Variants in SAMD5 observed in about 807,000 individuals in gnomAD.
SAMD5 encodes the protein sterile alpha motif domain containing 5, also known as sterile alpha motif domain-containing protein 5.
In SAMD5, 13 loss-of-function variants were observed where a neutral mutation model predicts 11.3. The observed-to-expected ratio is 1.15, with a 90% CI of 0.75 to 1.83. SAMD5 has a LOEUF of 1.83. SAMD5 is among the 40% of genes most tolerant of loss of function. SAMD5 has a pLI of 0.00. For missense variants in SAMD5, 255 were observed against 239.1 expected (o/e 1.07, Z -0.44); for synonymous variants, 129 against 111.3 (o/e 1.16, Z -1.00).
At chr6:147,793,214 C>T in the SAMD5 span, among the ~76,000 whole-genome samples, 1 of 152,142 alleles carries the variant, frequency 6.6e-6, no homozygotes, top group South Asian at 2.1e-4. Flanking sequence ...ATGAGCTTTA[C>T]TTCTATGGCG....
Position 147,569,961 on chromosome 6 carries a change from T to G in SAMD5, c.*5505T>G, listed in dbSNP as rs577138585. On this transcript the variant is annotated 3_prime_UTR_variant, in exon 2 of 2. Transcript: ENST00000367474. The stretch of plus-strand genomic sequence containing the variant: ...TTATGAACCATGTAATGCATGCCCA[T>G]GCACACTGTGATTTGCAAACATATG... 7.1e-6 allele frequency: 7 copies of G among 985,300 alleles called. No homozygotes were observed. In the African/African-American group the frequency reaches 1.2e-4, roughly 17 times the overall value. The allele number at this position is 985,300 out of a possible 1,614,324, so 61.0% of individuals were successfully genotyped here. A position where few individuals can be genotyped will look rare whatever the true frequency, so the allele number is the denominator to read the frequency against.
intron 1 of SAMD5, among the ~76,000 whole-genome samples, chr6:147,583,724 A>G (rs184161316): frequency 1.3e-5 from 2 of 152,280 alleles, no homozygotes; most frequent in East Asian, 1.9e-4. Context: ...TCTGCCCCAT[A>G]GAACGGTAAA....
intron 1 of SAMD5, among the ~76,000 whole-genome samples, chr6:147,692,707 A>G (rs937745256): frequency 1.6e-4 from 25 of 152,208 alleles, no homozygotes; most frequent in African/African-American, 5.5e-4. Context: ...CTACAATGCA[A>G]TCAGTCAATT....
intron 1 of SAMD5, among the ~76,000 whole-genome samples, chr6:147,674,961 CT>C (rs1480087056): frequency 2.6e-5 from 4 of 152,206 alleles, no homozygotes; most frequent in African/African-American, 9.7e-5. Context: ...AACACTAACC[CT>C]TGCCCATGGC....
the SAMD5 span, among the ~76,000 whole-genome samples, chr6:147,907,319 C>A: frequency 6.6e-6 from 1 of 152,292 alleles, no homozygotes; most frequent in East Asian, 1.9e-4. Context: ...AGTAAATATT[C>A]TCTCCTCCCT....
chr6:147,803,520 A>T, the SAMD5 span, among the ~76,000 whole-genome samples: 2 of 152,184 alleles, frequency 1.3e-5, no homozygotes, highest in Non-Finnish European at 2.9e-5. Flanking sequence ...AGTGGTTCCC[A>T]CTGTCCACAT....
intron 1 of SAMD5, among the ~76,000 whole-genome samples, chr6:147,698,896 C>A (rs921293427): frequency 6.6e-6 from 1 of 152,104 alleles, no homozygotes; most frequent in African/African-American, 2.4e-5. Context: ...CAGGGACTTT[C>A]AGTGGAGAGG....
At chr6:147,822,844 T>C in the SAMD5 span, among the ~76,000 whole-genome samples, 4 of 152,174 alleles carry the variant, frequency 2.6e-5, no homozygotes, top group African/African-American at 9.7e-5. Flanking sequence ...AGACAGAGTC[T>C]CACTCTGTCA....
the SAMD5 span, among the ~76,000 whole-genome samples, chr6:147,802,258 C>T: frequency 6.6e-6 from 1 of 151,818 alleles, no homozygotes; most frequent in South Asian, 2.1e-4. Flanking sequence ...AATATTTACA[C>T]AAAAACTTAA....
chr6:147,746,459 A>C, the SAMD5 span, among the ~76,000 whole-genome samples: 2 of 152,208 alleles, frequency 1.3e-5, no homozygotes, highest in African/African-American at 4.8e-5. Context: ...TCAAGTTTAC[A>C]GATTTTATGG....
the SAMD5 span, among the ~76,000 whole-genome samples, chr6:147,883,303 A>T: frequency 6.6e-6 from 1 of 152,182 alleles, no homozygotes; most frequent in Non-Finnish European, 1.5e-5. Context: ...GCTAAGGATT[A>T]GTGTGCCATT....
the SAMD5 span, among the ~76,000 whole-genome samples, chr6:147,752,212 A>T: frequency 1.2e-4 from 18 of 152,326 alleles, no homozygotes; most frequent in African/African-American, 4.3e-4. Context: ...TGACAAGTGC[A>T]AAATCTTACT....
Position 147,670,706 on chromosome 6 carries a change from T to C in SAMD5, c.163-66611T>C, listed in dbSNP as rs560277007. Among the ~76,000 whole-genome samples, 246 of 152,350 alleles carry C rather than the reference T, an allele frequency of 1.6e-3. 1 individual carries two copies. The highest frequency in any genetic ancestry group is 5.7e-3 in the African/African-American group (236 of 41,576). On this transcript the variant is annotated intron_variant, in intron 1 of 1. Transcript: ENST00000566741. ...TTACCTCTGTCAGCCTTCTTAGAAT[T>C]GAAGAGAGTTAGAGCCCTGCTTTGA...
At chr6:147,909,487 T>G in the SAMD5 span, among the ~76,000 whole-genome samples, 10 of 143,288 alleles carry the variant, frequency 7.0e-5, no homozygotes, top group African/African-American at 2.5e-4. Flanking sequence ...GAAAATTAAA[T>G]AAAACATAAT....
chr6:147,656,754 C>T (rs1272314553), intron 1 of SAMD5, among the ~76,000 whole-genome samples: 2 of 152,132 alleles, frequency 1.3e-5, no homozygotes, highest in Non-Finnish European at 2.9e-5. Flanking sequence ...CTCTCCTACA[C>T]TGCTGGTGGG....
the SAMD5 span, among the ~76,000 whole-genome samples, chr6:147,898,339 A>G: frequency 3.9e-5 from 6 of 152,244 alleles, no homozygotes; most frequent in Non-Finnish European, 2.9e-5. Context: ...AGTGAATCAC[A>G]AAAGCAGATT....
the SAMD5 span, among the ~76,000 whole-genome samples, chr6:147,854,215 A>T: frequency 2.0e-5 from 3 of 152,186 alleles, no homozygotes; most frequent in African/African-American, 4.8e-5. Flanking sequence ...AGAAACAAAG[A>T]GGCTTGACAC....
At chr6:147,598,731 G>A (rs1001524092) in intron 1 of SAMD5, among the ~76,000 whole-genome samples, 1 of 152,106 alleles carries the variant, frequency 6.6e-6, no homozygotes, top group African/African-American at 2.4e-5. Context: ...ACATGTGCGT[G>A]CATTCATTCA....
intron 1 of SAMD5, among the ~76,000 whole-genome samples, chr6:147,729,289 A>G (rs1791674847): frequency 6.6e-6 from 1 of 152,240 alleles, no homozygotes; most frequent in African/African-American, 2.4e-5. Context: ...AGGACTCAAC[A>G]TATGAATTTC....
Sources: gnomAD v4.1 joint callset for allele counts (sites outside exome capture counted in the v4.1 genomes callset) on GRCh38, gnomAD v4.1.1 for gene constraint, MANE v1.5 for transcripts, NCBI Gene and HGNC (gene_info 2026-07-23, HGNC 2026-07-21) for gene names.